Variants in CADM1 observed in about 807,000 individuals in gnomAD.
The protein encoded by CADM1 is TSLC-1.
CADM1 carries 15 observed loss-of-function variants against 53.1 expected under a neutral mutation model. The observed-to-expected ratio is 0.28, with a 90% confidence interval of 0.19 to 0.44. CADM1 has a LOEUF of 0.44. Among genes scored for constraint, CADM1 ranks in the 20% least tolerant of loss-of-function variants. The pLI, the probability that CADM1 is intolerant of heterozygous loss-of-function variation, is 1.00. For missense variants in CADM1, 434 were observed against 611.3 expected (o/e 0.71, Z 3.06); for synonymous variants, 281 against 243.0 (o/e 1.16, Z -1.45).
intron 1 of CADM1, among the ~76,000 whole-genome samples, chr11:115,309,880 G>A (rs991014350): frequency 2.0e-5 from 3 of 152,116 alleles, no homozygotes; most frequent in African/African-American, 7.2e-5. Flanking sequence ...ACTGATACTC[G>A]AGAATAATCC....
At chr11:115,244,252 G>A (rs188438405) in intron 1 of CADM1, among the ~76,000 whole-genome samples, 18 of 152,306 alleles carry the variant, frequency 1.2e-4, no homozygotes, top group Non-Finnish European at 2.2e-4. Context: ...AGAGTTGTTG[G>A]GGTGGGGGTG....
At chr11:115,384,953 C>G (rs1946663779) in intron 1 of CADM1, among the ~76,000 whole-genome samples, 1 of 152,130 alleles carries the variant, frequency 6.6e-6, no homozygotes, top group Admixed American at 6.6e-5. Flanking sequence ...GGGGACAATA[C>G]AGCTAAAAGA....
chr11:115,349,343 C>CT (rs1384771005), intron 1 of CADM1, among the ~76,000 whole-genome samples: 1 of 152,100 alleles, frequency 6.6e-6, no homozygotes, highest in East Asian at 1.9e-4. Context: ...AAGCTTTCTT[C>CT]TTTATTACAG....
At chr11:115,341,687 T>C (rs980263386) in intron 1 of CADM1, among the ~76,000 whole-genome samples, 1 of 152,202 alleles carries the variant, frequency 6.6e-6, no homozygotes. Context: ...ACTAAGCAGC[T>C]CACAGCATTG....
rs190938579 is a variant in CADM1, at chr11:115,447,475, G to C, written c.124+56796C>G. Among the ~76,000 whole-genome samples the C allele has an allele frequency of 3.5e-3, 537 of 152,170 alleles. 6 individuals are homozygous for C. Among genetic ancestry groups the C allele is most frequent in the Non-Finnish European group, 6.3e-3 (430 of 68,006 alleles). ...TCTCAGCTTCAAAATCACCCTTTTT[G>C]TCTGCTCTGTGAAAATGGATCTGGG... On this transcript the variant is annotated intron_variant, in intron 1 of 11. Coordinates refer to ENST00000331581, the MANE Select transcript of CADM1 (RefSeq NM_001301043.2).
intron 1 of CADM1, among the ~76,000 whole-genome samples, chr11:115,290,031 T>C (rs566797754): frequency 6.6e-6 from 1 of 152,332 alleles, no homozygotes; most frequent in African/African-American, 2.4e-5. Flanking sequence ...CAAAATTGAT[T>C]TGAATGTAGA....
chr11:115,271,504 G>A (rs546896715), intron 1 of CADM1, among the ~76,000 whole-genome samples: 18 of 152,118 alleles, frequency 1.2e-4, no homozygotes, highest in South Asian at 4.1e-4. Flanking sequence ...GGATGGTCTC[G>A]ATCTCCCGAC....
intron 1 of CADM1, among the ~76,000 whole-genome samples, chr11:115,502,047 T>G (rs989438406): frequency 5.3e-5 from 8 of 152,208 alleles, no homozygotes; most frequent in Non-Finnish European, 1.0e-4. Flanking sequence ...AAGAAGCTGC[T>G]TCCATGGTAA....
At chr11:115,452,911 AAATACTCAGGAGGTATCATTGCTTTCTTG>A (rs1249294249) in intron 1 of CADM1, among the ~76,000 whole-genome samples, 4 of 152,218 alleles carry the variant, frequency 2.6e-5, no homozygotes, top group African/African-American at 9.6e-5. Context: ...GGATGGAAGA[AAATACTCAGGAGGTATCATTGCTTTCTTG>A]AAAGAAAAGC....
chr11:115,295,500 G>C (rs1482760858), intron 1 of CADM1, among the ~76,000 whole-genome samples: 1 of 62,458 alleles, frequency 1.6e-5, no homozygotes, highest in African/African-American at 6.3e-5. Context: ...CTTTGATCAA[G>C]ATATTTTATA....
chr11:115,330,512 C>G (rs769514923), intron 1 of CADM1, among the ~76,000 whole-genome samples: 1 of 152,144 alleles, frequency 6.6e-6, no homozygotes, highest in African/African-American at 2.4e-5. Context: ...TACCATGCTT[C>G]AGGACTGCTT....
At chr11:115,249,650 T>G (rs2134964336) in intron 1 of CADM1, among the ~76,000 whole-genome samples, 1 of 152,332 alleles carries the variant, frequency 6.6e-6, no homozygotes, top group Middle Eastern at 3.4e-3. Context: ...CTAAGGGAAC[T>G]TAGATTTCTC....
intron 8 of CADM1, among the ~76,000 whole-genome samples, chr11:115,202,345 A>AACC (rs1940472604): frequency 6.6e-6 from 1 of 152,184 alleles, no homozygotes; most frequent in Non-Finnish European, 1.5e-5. Context: ...TTTAAAACTA[A>AACC]TCCATAAATT....
At chr11:115,392,676 A>G (rs954777951) in intron 1 of CADM1, among the ~76,000 whole-genome samples, 12 of 152,186 alleles carry the variant, frequency 7.9e-5, no homozygotes, top group Non-Finnish European at 1.6e-4. Flanking sequence ...TAACATTCGC[A>G]TTCCCAAACA....
chr11:115,489,277 GATAGCTCTTCATTC>G (rs1331893779), intron 1 of CADM1, among the ~76,000 whole-genome samples: 2 of 152,160 alleles, frequency 1.3e-5, no homozygotes, highest in Non-Finnish European at 2.9e-5. Context: ...CAGGCACGTT[GATAGCTCTTCATTC>G]ATTATGGGAG....
chr11:115,261,318 C>T (rs1398873065), intron 1 of CADM1, among the ~76,000 whole-genome samples: 1 of 152,160 alleles, frequency 6.6e-6, no homozygotes, highest in Non-Finnish European at 1.5e-5. Context: ...TGTTACTGAA[C>T]CCATACATTA....
At chr11:115,257,489 G>T (rs1942828510) in intron 1 of CADM1, among the ~76,000 whole-genome samples, 1 of 152,210 alleles carries the variant, frequency 6.6e-6, no homozygotes, top group Non-Finnish European at 1.5e-5. Flanking sequence ...GCACACATTA[G>T]AACCTTAACC....
intron 1 of CADM1, among the ~76,000 whole-genome samples, chr11:115,311,363 CA>C (rs1407007847): frequency 6.6e-6 from 1 of 152,090 alleles, no homozygotes; most frequent in Non-Finnish European, 1.5e-5. Flanking sequence ...AAGCACTCCA[CA>C]AAATATAATC....
At chr11:115,502,671 C>G (rs1949754710) in intron 1 of CADM1, among the ~76,000 whole-genome samples, 1 of 152,138 alleles carries the variant, frequency 6.6e-6, no homozygotes, top group South Asian at 2.1e-4. Context: ...TGCTGCCAGA[C>G]GCCCCCCAAT....
Sources: allele counts gnomAD v4.1 joint callset (sites outside exome capture counted in the v4.1 genomes callset), GRCh38; gene constraint gnomAD v4.1.1; transcripts MANE v1.5; gene names NCBI Gene and HGNC (gene_info 2026-07-23, HGNC 2026-07-21).